HS6ST3: variants seen among roughly 807,000 people sequenced by gnomAD.
HS6ST3 encodes heparan-sulfate 6-O-sulfotransferase 3.
A neutral mutation model predicts 36.7 loss-of-function variants in HS6ST3; 12 were observed. That is an observed-to-expected ratio of 0.33 (90% CI 0.21 to 0.53). The LOEUF is 0.53. HS6ST3 is among the 20% of genes least tolerant of loss of function. The pLI is 0.95. For synonymous variants in HS6ST3, 240 were observed against 257.5 expected, an observed-to-expected ratio of 0.93 and a Z score of 0.65; for missense variants, 584 against 640.9, an observed-to-expected ratio of 0.91 and a Z score of 0.96.
intron 1 of HS6ST3, among the ~76,000 whole-genome samples, chr13:96,290,869 T>G (rs1432717337): frequency 2.0e-5 from 3 of 152,088 alleles, no homozygotes; most frequent in African/African-American, 7.2e-5. Flanking sequence ...GCCTCCTACC[T>G]CCAGCCACAA....
At chr13:96,483,244 T>C (rs142245852) in intron 1 of HS6ST3, among the ~76,000 whole-genome samples, 1 of 152,262 alleles carries the variant, frequency 6.6e-6, no homozygotes, top group African/African-American at 2.4e-5. Context: ...GATCTGAAAG[T>C]TGAGAAGTGA....
At chr13:96,444,907 C>T (rs2055690843) in intron 1 of HS6ST3, among the ~76,000 whole-genome samples, 3 of 152,072 alleles carry the variant, frequency 2.0e-5, no homozygotes, top group African/African-American at 7.2e-5. Context: ...TTTCAAACTG[C>T]ACTTGAATCT....
intron 1 of HS6ST3, among the ~76,000 whole-genome samples, chr13:96,195,509 A>G (rs1022217564): frequency 6.6e-6 from 1 of 152,196 alleles, no homozygotes; most frequent in Non-Finnish European, 1.5e-5. Context: ...AAATTCTGTC[A>G]GGAAAGAATT....
At chr13:96,131,745 C>CTTT (rs34130950) in intron 1 of HS6ST3, among the ~76,000 whole-genome samples, 1 of 144,142 alleles carries the variant, frequency 6.9e-6, no homozygotes, top group East Asian at 2.0e-4. Flanking sequence ...CTATTCTACT[C>CTTT]TTTTTTTTTT....
At chr13:96,618,200 A>C (rs1410400874) in intron 1 of HS6ST3, among the ~76,000 whole-genome samples, 1 of 152,172 alleles carries the variant, frequency 6.6e-6, no homozygotes, top group Non-Finnish European at 1.5e-5. Context: ...CCTGGGCTCA[A>C]GTAATCCTTT....
At chr13:96,321,318 G>A (rs1197507392) in intron 1 of HS6ST3, among the ~76,000 whole-genome samples, 1 of 152,046 alleles carries the variant, frequency 6.6e-6, no homozygotes, top group Non-Finnish European at 1.5e-5. Flanking sequence ...TCACTTTACA[G>A]CACTGTCGTA....
At chr13:96,596,904 T>G (rs562393398) in intron 1 of HS6ST3, among the ~76,000 whole-genome samples, 1 of 152,168 alleles carries the variant, frequency 6.6e-6, no homozygotes, top group South Asian at 2.1e-4. Flanking sequence ...GCAGCACTAT[T>G]TATAATAGCA....
intron 1 of HS6ST3, among the ~76,000 whole-genome samples, chr13:96,717,885 T>G (rs1224490332): frequency 1.3e-5 from 2 of 152,216 alleles, no homozygotes; most frequent in Admixed American, 1.3e-4. Flanking sequence ...GCATCACTTG[T>G]CTATATATCT....
intron 1 of HS6ST3, among the ~76,000 whole-genome samples, chr13:96,824,310 TTCC>T (rs1348421032): frequency 6.6e-6 from 1 of 152,186 alleles, no homozygotes; most frequent in Non-Finnish European, 1.5e-5. Context: ...GCATCTCCAT[TTCC>T]TCCTCCTCAT....
intron 1 of HS6ST3, among the ~76,000 whole-genome samples, chr13:96,765,622 C>CTA (rs1877093383): frequency 2.2e-5 from 3 of 137,572 alleles, no homozygotes; most frequent in Non-Finnish European, 3.2e-5. Context: ...CTCTCTCTCT[C>CTA]TCTCTCTGTT....
chr13:96,728,356 G>A (rs1876057033), intron 1 of HS6ST3, among the ~76,000 whole-genome samples: 1 of 152,104 alleles, frequency 6.6e-6, no homozygotes, highest in Non-Finnish European at 1.5e-5. Flanking sequence ...CAGGATTCAG[G>A]TCTTATAGAT....
intron 1 of HS6ST3, among the ~76,000 whole-genome samples, chr13:96,790,082 AC>A (rs1261877132): frequency 6.6e-6 from 1 of 151,920 alleles, no homozygotes; most frequent in Non-Finnish European, 1.5e-5. Context: ...TCCACAAGGC[AC>A]TGGTTGCATT....
intron 1 of HS6ST3, among the ~76,000 whole-genome samples, chr13:96,566,137 A>G (rs562868086): frequency 6.6e-5 from 10 of 152,172 alleles, no homozygotes; most frequent in South Asian, 4.1e-4. Context: ...ATGGAATGGG[A>G]GAGAAAATTA....
At chr13:96,223,002 A>ATGT (rs140072967) in intron 1 of HS6ST3, among the ~76,000 whole-genome samples, 7,977 of 152,248 alleles carry the variant, frequency 0.052, 365 homozygotes, top group African/African-American at 0.13. Flanking sequence ...AGAATTTATG[A>ATGT]TGTGCATTTT....
At chr13:96,516,808 G>A (rs964447227) in intron 1 of HS6ST3, among the ~76,000 whole-genome samples, 1 of 152,004 alleles carries the variant, frequency 6.6e-6, no homozygotes. Flanking sequence ...TATAACAAAC[G>A]ACCCCAAAGT....
At chr13:96,484,277 TCTCCTTCCTTCCTTC>T (rs1365833376) in intron 1 of HS6ST3, among the ~76,000 whole-genome samples, 3 of 151,998 alleles carry the variant, frequency 2.0e-5, no homozygotes, top group Non-Finnish European at 4.4e-5. Context: ...GTCACCTTAC[TCTCCTTCCTTCCTTC>T]CTCCTTCCTT....
intron 1 of HS6ST3, among the ~76,000 whole-genome samples, chr13:96,722,123 A>C (rs1875864977): frequency 6.6e-6 from 1 of 152,132 alleles, no homozygotes; most frequent in African/African-American, 2.4e-5. Context: ...AAAACTAGCC[A>C]GGCGTGCTGG....
intron 1 of HS6ST3, among the ~76,000 whole-genome samples, chr13:96,635,446 C>G (rs762961499): frequency 2.0e-5 from 3 of 152,028 alleles, no homozygotes; most frequent in African/African-American, 7.2e-5. Context: ...ACCCACCCCC[C>G]TCTTCACTAA....
At chr13:96,620,470 C>G (rs897651343) in intron 1 of HS6ST3, among the ~76,000 whole-genome samples, 8 of 152,192 alleles carry the variant, frequency 5.3e-5, no homozygotes, top group Admixed American at 3.9e-4. Flanking sequence ...GTTCGAGAAA[C>G]AGTGAAGCAC....
Sources: allele counts gnomAD v4.1 joint callset (sites outside exome capture counted in the v4.1 genomes callset), GRCh38; gene constraint gnomAD v4.1.1; transcripts MANE v1.5; gene names NCBI Gene and HGNC (gene_info 2026-07-23, HGNC 2026-07-21).